The following CDH13 variants were observed in gnomAD, a reference collection of about 807,000 sequenced individuals.
The protein encoded by CDH13 is cadherin 13.
Under a neutral mutation model 63.8 loss-of-function variants are expected in CDH13, and 24 were observed. The observed-to-expected ratio is 0.38, with a 90% CI of 0.27 to 0.53. CDH13 has a LOEUF of 0.53. CDH13 is among the 20% of genes least tolerant of loss of function. The probability of loss-of-function intolerance (pLI) is 0.85; values close to 1 mark genes in which losing one functional copy is unlikely to be tolerated. For missense variants in CDH13, 1,049 were observed against 903.1 expected (o/e 1.16, Z -2.07); for synonymous variants, 503 against 355.3 (o/e 1.42, Z -4.67).
At chr16:83,119,966 T>C (rs1438667466) in intron 3 of CDH13, among the ~76,000 whole-genome samples, 1 of 152,088 alleles carries the variant, frequency 6.6e-6, no homozygotes, top group Non-Finnish European at 1.5e-5. Flanking sequence ...GAGCCATGGA[T>C]AAATATTCAC....
intron 1 of CDH13, among the ~76,000 whole-genome samples, chr16:82,838,975 C>G (rs147873690): frequency 0.013 from 1,957 of 152,352 alleles, 20 homozygotes; most frequent in Non-Finnish European, 0.019. Flanking sequence ...AGCTACACTA[C>G]TCTACTCTGC....
At chr16:83,038,186 A>G (rs962867730) in intron 3 of CDH13, among the ~76,000 whole-genome samples, 2 of 152,222 alleles carry the variant, frequency 1.3e-5, no homozygotes, top group Non-Finnish European at 2.9e-5. Flanking sequence ...AGTTAAGCCT[A>G]TTTTAGCTGT....
chr16:82,710,217 A>C (rs1419817535), intron 1 of CDH13, among the ~76,000 whole-genome samples: 3 of 146,788 alleles, frequency 2.0e-5, no homozygotes, highest in Non-Finnish European at 4.5e-5. Flanking sequence ...ATTAATTTAT[A>C]TTTATATTCA....
intron 1 of CDH13, among the ~76,000 whole-genome samples, chr16:82,807,893 C>A (rs1355470890): frequency 6.6e-6 from 1 of 152,174 alleles, no homozygotes. Context: ...TCAAGAATAT[C>A]TTGGGTAATT....
rs527880047 is a variant in CDH13, at chr16:83,274,614, G to A, written c.636+57117G>A. Among the ~76,000 whole-genome samples the A allele has an allele frequency of 4.6e-5, 7 of 152,250 alleles. No homozygotes were observed. In the South Asian group the frequency reaches 1.5e-3, roughly 32 times the overall value. On this transcript the variant is annotated intron_variant, in intron 5 of 13. Coordinates refer to ENST00000567109, the MANE Select transcript of CDH13 (RefSeq NM_001257.5). ...GAGAAACCCCCACATGCAGCACAGA[G>A]CCTGATGTGTGAAACTTGCTGAATG...
intron 2 of CDH13, among the ~76,000 whole-genome samples, chr16:82,922,504 G>C (rs2042186294): frequency 6.6e-6 from 1 of 152,146 alleles, no homozygotes; most frequent in East Asian, 1.9e-4. Context: ...GAATCAATCA[G>C]ATTTAGACCC....
chr16:83,073,780 G>C (rs1275149969), intron 3 of CDH13, among the ~76,000 whole-genome samples: 1 of 151,914 alleles, frequency 6.6e-6, no homozygotes, highest in East Asian at 1.9e-4. Context: ...CTATAGCATA[G>C]TATGTATATG....
At chr16:82,739,320 A>C (rs990782479) in intron 1 of CDH13, among the ~76,000 whole-genome samples, 25 of 152,234 alleles carry the variant, frequency 1.6e-4, no homozygotes, top group African/African-American at 6.0e-4. Context: ...TCTTCTGCCA[A>C]GATGGGGCTA....
At chr16:83,763,535 C>G (rs1347417968) in intron 11 of CDH13, among the ~76,000 whole-genome samples, 1 of 152,054 alleles carries the variant, frequency 6.6e-6, no homozygotes, top group East Asian at 1.9e-4. Flanking sequence ...AGCCTGTGGT[C>G]TTTCTCTTTT....
intron 10 of CDH13, among the ~76,000 whole-genome samples, chr16:83,709,731 A>G (rs1039958122): frequency 6.6e-6 from 1 of 152,262 alleles, no homozygotes; most frequent in Non-Finnish European, 1.5e-5. Context: ...TTTTGCCATC[A>G]GGAAGTAAAC....
chr16:83,227,245 A>T (rs1164061629), intron 5 of CDH13, among the ~76,000 whole-genome samples: 1 of 152,196 alleles, frequency 6.6e-6, no homozygotes, highest in Non-Finnish European at 1.5e-5. Flanking sequence ...GCCCCCTCTG[A>T]CACCTGTAGC....
chr16:82,635,257 C>T (rs989742751), intron 1 of CDH13, among the ~76,000 whole-genome samples: 1 of 152,206 alleles, frequency 6.6e-6, no homozygotes, highest in South Asian at 2.1e-4. Context: ...ATAAGAAAGA[C>T]ATCAGAGGCA....
chr16:83,591,895 A>G (rs1309702921), intron 7 of CDH13, among the ~76,000 whole-genome samples: 3 of 152,196 alleles, frequency 2.0e-5, no homozygotes, highest in Non-Finnish European at 4.4e-5. Flanking sequence ...ACTACTTTTA[A>G]TAGAGTTTAG....
intron 5 of CDH13, among the ~76,000 whole-genome samples, chr16:83,282,381 A>G (rs12929079): frequency 0.64 from 97,521 of 152,120 alleles, 32,458 homozygotes; most frequent in East Asian, 0.83. Flanking sequence ...TGTAAAAAAC[A>G]CAATAGCTGA....
intron 1 of CDH13, among the ~76,000 whole-genome samples, chr16:82,665,273 C>T (rs1912451424): frequency 6.6e-6 from 1 of 152,232 alleles, no homozygotes; most frequent in Admixed American, 6.5e-5. Flanking sequence ...TGCAAGAAGG[C>T]TGTGATGTGT....
chr16:83,689,259 A>G (rs1222006787), intron 10 of CDH13, among the ~76,000 whole-genome samples: 1 of 152,108 alleles, frequency 6.6e-6, no homozygotes, highest in Admixed American at 6.5e-5. Context: ...CTTGACCAAT[A>G]TTTTCTAAGC....
At chr16:83,192,168 C>G (rs1446349261) in intron 4 of CDH13, among the ~76,000 whole-genome samples, 1 of 152,196 alleles carries the variant, frequency 6.6e-6, no homozygotes, top group East Asian at 1.9e-4. Flanking sequence ...GCCTCCATTC[C>G]TCCCAGAGAT....
At chr16:83,593,576 T>C (rs1906965746) in intron 7 of CDH13, among the ~76,000 whole-genome samples, 1 of 150,728 alleles carries the variant, frequency 6.6e-6, no homozygotes, top group Non-Finnish European at 1.5e-5. Context: ...TTATATATAA[T>C]TGTATATTTA....
At chr16:83,385,871 A>G (rs1356232321) in intron 6 of CDH13, among the ~76,000 whole-genome samples, 1 of 152,162 alleles carries the variant, frequency 6.6e-6, no homozygotes, top group Non-Finnish European at 1.5e-5. Flanking sequence ...CAATGTACTG[A>G]CTGCTCTCTC....
Sources: gnomAD v4.1 joint callset for allele counts (sites outside exome capture counted in the v4.1 genomes callset) on GRCh38, gnomAD v4.1.1 for gene constraint, MANE v1.5 for transcripts, NCBI Gene and HGNC (gene_info 2026-07-23, HGNC 2026-07-21) for gene names.